Variants in CANX observed in about 807,000 individuals in gnomAD.
CANX encodes calnexin, also known as epididymis secretory sperm binding protein.
Under a neutral mutation model 75.7 loss-of-function variants are expected in CANX, and 14 were observed. The ratio of observed to expected loss-of-function variants is 0.19; its 90% CI spans 0.12 to 0.29. CANX has a LOEUF of 0.29. CANX is among the 10% of genes least tolerant of loss of function. The probability of loss-of-function intolerance (pLI) is 1.00; values close to 1 mark genes in which losing one functional copy is unlikely to be tolerated. For synonymous variants in CANX, 227 were observed against 236.9 expected, an observed-to-expected ratio of 0.96 and a Z score of 0.38; for missense variants, 567 against 713.2, an observed-to-expected ratio of 0.79 and a Z score of 2.34.
In CANX at chr5:179,730,470, A is replaced by G. The variant is rs892446841; in HGVS notation, c.*1826A>G. ...TAGCAAGACCTGAAAATATGTCTGC[A>G]GGTTTCTCCTTGAAGCAAATGTGTG... On this transcript the variant is annotated 3_prime_UTR_variant, in exon 15 of 15. Coordinates refer to ENST00000247461, the MANE Select transcript of CANX (RefSeq NM_001746.4). 1 of 152,246 alleles carries G rather than the reference A, an allele frequency of 6.6e-6. No individual in the cohort carries two copies. Among genetic ancestry groups the G allele is most frequent in the Non-Finnish European group, 1.5e-5 (1 of 68,038 alleles). The allele number at this position is 152,246 out of a possible 1,614,324, so 9.4% of individuals were successfully genotyped here.
intron 5 of CANX, 110 bp downstream of exon 5, chr5:179,708,490 A>C: frequency 2.0e-6 from 2 of 998,178 alleles, no homozygotes; most frequent in Admixed American, 5.4e-5. Flanking sequence ...AAGTGGTGGT[A>C]GGGATTTTTG....
rs71591440 is a variant in CANX, at chr5:179,710,707, C to CAAAAAAAAAAAAAAAAAAAAAAAAAA, written c.721+658_721+659insAAAAAAAAAAAAAAAAAAAAAAAAAA. 7.3e-4 allele frequency among the ~76,000 whole-genome samples: 20 copies of CAAAAAAAAAAAAAAAAAAAAAAAAAA among 27,352 alleles called. 3 individuals carry two copies. Among genetic ancestry groups the CAAAAAAAAAAAAAAAAAAAAAAAAAA allele is most frequent in the East Asian group, 2.7e-3 (2 of 752 alleles). 17.9% of individuals were successfully genotyped at this position (27,352 alleles called of 152,430 possible). A position where few individuals can be genotyped will look rare whatever the true frequency, so the allele number is the denominator to read the frequency against. On this transcript the variant is annotated intron_variant, in intron 7 of 14. Coordinates refer to ENST00000247461, the MANE Select transcript of CANX (RefSeq NM_001746.4). ...TAGGAGACAGAGCAAGACTCCATCTCAAAAAAAAAAAAAAAAGATTGTATA... is the reference window on the plus strand; with the variant it reads ...TAGGAGACAGAGCAAGACTCCATCTCAAAAAAAAAAAAAAAAAAAAAAAAAAAAAAAAAAAAAAAAAAGATTGTATA...
chr5:179,717,382 C>G (rs1429763295), intron 8 of CANX, among the ~76,000 whole-genome samples: 2 of 152,160 alleles, frequency 1.3e-5, no homozygotes, highest in Admixed American at 6.6e-5. Flanking sequence ...TGTTTCCTCC[C>G]CCAACTCCCA....
At chr5:179,690,439 G>A (rs1362052654) in intron 1 of CANX, among the ~76,000 whole-genome samples, 1 of 150,962 alleles carries the variant, frequency 6.6e-6, no homozygotes, top group Non-Finnish European at 1.5e-5. Context: ...AGCCAGGTGT[G>A]GTGGTACGCA....
At chr5:179,704,855 T>TA (rs1777021861) in intron 1 of CANX, among the ~76,000 whole-genome samples, 1 of 152,110 alleles carries the variant, frequency 6.6e-6, no homozygotes, top group Admixed American at 6.5e-5. Context: ...AAATAAAATA[T>TA]ATAAATTTTA....
In CANX at chr5:179,712,774, C is replaced by T. The variant is rs146535893; in HGVS notation, c.721+2709C>T. 2.5e-3 allele frequency among the ~76,000 whole-genome samples: 374 copies of T among 150,780 alleles called. 3 individuals are homozygous for T. Among genetic ancestry groups the T allele is most frequent in the African/African-American group, 8.5e-3 (350 of 41,108 alleles). On this transcript the variant is annotated intron_variant, in intron 7 of 14. Coordinates refer to ENST00000247461, the MANE Select transcript of CANX (RefSeq NM_001746.4). ...AGTATTGCTCTGTCACCCAGGTGGG[C>T]GTGCAGTGGCGTGATCTTGGCCTAC...
chr5:179,706,027 A>G (rs1289612342), intron 2 of CANX, among the ~76,000 whole-genome samples, 175 bp downstream of exon 2: 3 of 152,192 alleles, frequency 2.0e-5, no homozygotes, highest in Non-Finnish European at 1.5e-5. Context: ...AAAGAAAAAC[A>G]TGGTGAAGAT....
At chr5:179,696,495 T>C (rs1776407591), upstream of CANX, among the ~76,000 whole-genome samples, 1 of 151,610 alleles carries the variant, frequency 6.6e-6, no homozygotes, top group Non-Finnish European at 1.5e-5. Flanking sequence ...ATACTGGTCT[T>C]GAACTCCTGA....
intron 1 of CANX, chr5:179,678,960 G>A: frequency 6.5e-7 from 1 of 1,535,694 alleles, no homozygotes. Context: ...CCGTAGGCGA[G>A]GCCCAGCTCG....
At chr5:179,702,556 G>A (rs1776844064) in intron 1 of CANX, among the ~76,000 whole-genome samples, 1 of 152,084 alleles carries the variant, frequency 6.6e-6, no homozygotes, top group African/African-American at 2.4e-5. Context: ...GTATTCCATT[G>A]TATGCCTATG....
At chr5:179,691,640 C>G (rs1245750845) in intron 1 of CANX, among the ~76,000 whole-genome samples, 2 of 152,168 alleles carry the variant, frequency 1.3e-5, no homozygotes, top group African/African-American at 4.8e-5. Flanking sequence ...GGAAGAGCCA[C>G]TACACTGCAA....
At chr5:179,707,735 C>CTACTGAAT (rs1220674862) in intron 4 of CANX, among the ~76,000 whole-genome samples, 2 of 148,374 alleles carry the variant, frequency 1.3e-5, no homozygotes, top group Non-Finnish European at 3.0e-5. Flanking sequence ...ATCACCTGTG[C>CTACTGAAT]TACTGAATGT....
chr5:179,698,503 T>C (rs1216463921), upstream of CANX: 1 of 1,289,376 alleles, frequency 7.8e-7, no homozygotes, highest in Non-Finnish European at 1.0e-6. Context: ...CCCTTCCTGA[T>C]GGCCGATCGT....
In CANX at chr5:179,699,045, G is replaced by A. The variant is rs1036322199; in HGVS notation, c.-61G>A. ...GCCTCTCTCTTTACTGCGGCGCGGG[G>A]CAAGGTGTGCGGGCGGGAAGGGGCA... On this transcript the variant is annotated 5_prime_UTR_variant, in exon 1 of 15. Coordinates refer to ENST00000247461, the MANE Select transcript of CANX (RefSeq NM_001746.4). 1 of 1,111,200 alleles carries A rather than the reference G, an allele frequency of 9.0e-7. No individual in the cohort carries two copies. The highest frequency in any genetic ancestry group is 1.7e-5 in the African/African-American group (1 of 58,022). 68.8% of individuals were successfully genotyped at this position (1,111,200 alleles called of 1,614,324 possible). A position where few individuals can be genotyped will look rare whatever the true frequency, so the allele number is the denominator to read the frequency against.
In CANX at chr5:179,728,906, C is replaced by CTTT; in HGVS notation, c.*272_*274dup. 1 of 389,078 alleles carries CTTT rather than the reference C, an allele frequency of 2.6e-6. No individual in the cohort carries two copies. 24.1% of individuals were successfully genotyped at this position (389,078 alleles called of 1,614,324 possible). Reference sequence around the variant, plus strand: ...TGAAATGTAACATGAAGCAAACTAACTTTTTTTTTTTTAACATCTTTGTTT... The same window carrying CTTT: ...TGAAATGTAACATGAAGCAAACTAACTTTTTTTTTTTTTTTAACATCTTTGTTT... On this transcript the variant is annotated 3_prime_UTR_variant, in exon 15 of 15. Coordinates refer to ENST00000247461, the MANE Select transcript of CANX (RefSeq NM_001746.4).
intron 13 of CANX, among the ~76,000 whole-genome samples, chr5:179,725,451 G>GC (rs1252562484): frequency 1.3e-5 from 2 of 151,894 alleles, no homozygotes; most frequent in Admixed American, 1.3e-4. Flanking sequence ...GGGGGCCGAA[G>GC]CAGGCAGATC....
At chr5:179,705,930 TGTA>T (rs1777105983) in intron 2 of CANX, 78 bp downstream of exon 2, 3 of 1,257,244 alleles carry the variant, frequency 2.4e-6, no homozygotes, top group African/African-American at 2.9e-5. Context: ...TGCAGGGAAA[TGTA>T]GTCTCAACTA....
upstream of CANX, chr5:179,698,871 G>C: frequency 9.0e-7 from 1 of 1,111,570 alleles, no homozygotes. Flanking sequence ...GTCGGGGCTT[G>C]CGCGGGAGGG....
rs894776799 is a variant in CANX, at chr5:179,679,400, C to T, written c.-4+623C>T. 53 of 708,076 alleles carry T rather than the reference C, an allele frequency of 7.5e-5. No individual in the cohort carries two copies. The South Asian group carries it at 8.7e-4, about 12-fold the overall frequency. The allele number at this position is 708,076 out of a possible 1,614,324, so 43.9% of individuals were successfully genotyped here. A position where few individuals can be genotyped will look rare whatever the true frequency, so the allele number is the denominator to read the frequency against. The stretch of plus-strand genomic sequence containing the variant: ...ACCAGCTGCTGGCCACCGAGGAGCC[C>T]GTCGTTCCACGCTGCACAGGCAGCA... On this transcript the variant is annotated intron_variant, in intron 1 of 14. Coordinates refer to the CANX transcript ENST00000681674.
Sources: gnomAD v4.1 joint callset for allele counts (sites outside exome capture counted in the v4.1 genomes callset) on GRCh38, gnomAD v4.1.1 for gene constraint, MANE v1.5 for transcripts, NCBI Gene and HGNC (gene_info 2026-07-23, HGNC 2026-07-21) for gene names.